ACAP2: variants seen among roughly 807,000 people sequenced by gnomAD.
ACAP2 encodes the protein arf-GAP with coiled-coil, ANK repeat and PH domain-containing protein 2.
ACAP2 carries 39 observed loss-of-function variants against 115.8 expected under a neutral mutation model. That is an observed-to-expected ratio of 0.34 (90% CI 0.26 to 0.44). The LOEUF is 0.44. Among genes scored for constraint, ACAP2 ranks in the 20% least tolerant of loss-of-function variants. The pLI, the probability that ACAP2 is intolerant of heterozygous loss-of-function variation, is 1.00. For missense variants in ACAP2, 662 were observed against 927.6 expected (o/e 0.71, Z 3.72); for synonymous variants, 289 against 315.8 (o/e 0.92, Z 0.90).
intron 8 of ACAP2, among the ~76,000 whole-genome samples, chr3:195,330,009 T>G (rs1259547845): frequency 3.9e-5 from 6 of 152,094 alleles, no homozygotes; most frequent in Non-Finnish European, 8.8e-5. Flanking sequence ...ACTAGATTTT[T>G]TTAAATAGCT....
intron 8 of ACAP2, 23 bp downstream of exon 8, chr3:195,333,005 C>T: frequency 6.5e-7 from 1 of 1,531,892 alleles, no homozygotes; most frequent in Non-Finnish European, 9.0e-7. Context: ...AAAACAGAAT[C>T]AAGAAATATA....
intron 4 of ACAP2, among the ~76,000 whole-genome samples, chr3:195,362,521 AAAAAT>A (rs1732442223): frequency 6.6e-6 from 1 of 152,122 alleles, no homozygotes; most frequent in Non-Finnish European, 1.5e-5. Context: ...GAGATGCATA[AAAAAT>A]AACCACACAC....
intron 4 of ACAP2, among the ~76,000 whole-genome samples, chr3:195,377,138 C>CTTTTTTTTTTTTTTTTTTTTTTTT (rs749352761): frequency 2.6e-5 from 2 of 77,110 alleles, no homozygotes; most frequent in Non-Finnish European, 4.7e-5. Context: ...GAATGTAAAT[C>CTTTTTTTTTTTTTTTTTTTTTTTT]TTTTTTTTTT....
chr3:195,377,163 G>GTTTTTTTTTTTTTTTTA (rs1412992193), intron 4 of ACAP2, among the ~76,000 whole-genome samples: 1 of 37,306 alleles, frequency 2.7e-5, no homozygotes, highest in African/African-American at 1.4e-4. Context: ...TTTTTTTTTG[G>GTTTTTTTTTTTTTTTTA]AAACAAGGTC....
rs202224976 is a variant in ACAP2, at chr3:195,320,285, C to CAT, written c.857+414_857+415dup. Among the ~76,000 whole-genome samples, 4 of 152,234 alleles carry CAT rather than the reference C, an allele frequency of 2.6e-5. No homozygotes were observed. The East Asian group carries it at 7.7e-4, about 29-fold the overall frequency. Reference sequence around the variant, plus strand: ...ACTAAGTAAAAATGTACATAAACATCATATAGAGGAGAAACCAAAAGAAAA... The same window carrying CAT: ...ACTAAGTAAAAATGTACATAAACATCATATATAGAGGAGAAACCAAAAGAAAA... On this transcript the variant is annotated intron_variant, in intron 10 of 22. Transcript: ENST00000326793.
At chr3:195,330,159 A>G (rs9860013) in intron 8 of ACAP2, among the ~76,000 whole-genome samples, 5,269 of 152,228 alleles carry the variant, frequency 0.035, 317 homozygotes, top group African/African-American at 0.12. Flanking sequence ...TCTTATCCTC[A>G]CAAATCAATA....
At chr3:195,306,852 TAA>T (rs36125128) in intron 12 of ACAP2, 51 of 206,078 alleles carry the variant, frequency 2.5e-4, no homozygotes, top group South Asian at 1.0e-3. Context: ...ACTGAATATT[TAA>T]AAAAAAAAAA....
chr3:195,378,495 C>CA (rs1560305332), intron 4 of ACAP2, among the ~76,000 whole-genome samples: 2 of 134,716 alleles, frequency 1.5e-5, no homozygotes, highest in Non-Finnish European at 1.6e-5. Flanking sequence ...CGTCTCAAAA[C>CA]AAAAAACAAA....
chr3:195,424,953 G>A (rs1308786193), intron 1 of ACAP2, among the ~76,000 whole-genome samples: 9 of 110,296 alleles, frequency 8.2e-5, no homozygotes, highest in Admixed American at 2.3e-4. Context: ...AAGGTTTTAA[G>A]AGTTGATTGC....
chr3:195,292,140 G>A (rs950417117), intron 19 of ACAP2, 125 bp downstream of exon 19: 18 of 1,199,772 alleles, frequency 1.5e-5, no homozygotes. Context: ...TAATAGCACA[G>A]AGGTTCCTTC....
At chr3:195,306,689 T>C in intron 12 of ACAP2, 73 bp from the exon 13 acceptor site, 3 of 1,096,786 alleles carry the variant, frequency 2.7e-6, no homozygotes, top group Non-Finnish European at 4.0e-6. Flanking sequence ...CTTTATATTT[T>C]TTCCACTTTG....
chr3:195,295,816 G>A lies in ACAP2; in HGVS notation c.1564C>T (p.Pro522Ser), dbSNP rs760391141. ...FVDKYSISLS[P>S]PEQQKKFVSK... The stretch of plus-strand genomic sequence containing the variant: ...ACAAACTTTTTTTGCTGCTCAGGAG[G>A]TGATAATGATATAGAATATTTATCC... The change falls in exon 17 of 23, where the codon CCT becomes TCT. Residue 522 changes from proline (P) to serine (S), a missense_variant. Transcript: ENST00000326793. 1.2e-6 allele frequency: 2 copies of A among 1,613,978 alleles called. No homozygotes were observed. The highest frequency in any genetic ancestry group is 1.7e-6 in the Non-Finnish European group (2 of 1,179,952).
intron 4 of ACAP2, among the ~76,000 whole-genome samples, chr3:195,351,706 G>A (rs766250298): frequency 3.3e-5 from 5 of 151,792 alleles, no homozygotes; most frequent in East Asian, 1.9e-4. Context: ...TCCGTGATCC[G>A]CCCGCATCGG....
intron 9 of ACAP2, among the ~76,000 whole-genome samples, chr3:195,322,353 T>C (rs1729505207): frequency 6.6e-6 from 1 of 152,130 alleles, no homozygotes; most frequent in South Asian, 2.1e-4. Flanking sequence ...CAGTATCTAC[T>C]GAGATGCTGG....
At chr3:195,413,926 G>A (rs553495311) in intron 1 of ACAP2, among the ~76,000 whole-genome samples, 1 of 151,740 alleles carries the variant, frequency 6.6e-6, no homozygotes, top group Non-Finnish European at 1.5e-5. Flanking sequence ...AATGAGCTAT[G>A]ACTGTATCAC....
intron 1 of ACAP2, among the ~76,000 whole-genome samples, chr3:195,437,541 C>A (rs1223586038): frequency 6.6e-5 from 10 of 151,994 alleles, no homozygotes; most frequent in Non-Finnish European, 1.3e-4. Context: ...TGAGTCTGGT[C>A]GAGGTGGCTC....
intron 8 of ACAP2, among the ~76,000 whole-genome samples, chr3:195,332,291 A>G (rs1730224516): frequency 6.6e-6 from 1 of 152,210 alleles, no homozygotes; most frequent in African/African-American, 2.4e-5. Flanking sequence ...AAAAAGAGCT[A>G]TAACTCAACT....
chr3:195,428,347 T>TATAC (rs1415690962), intron 1 of ACAP2, among the ~76,000 whole-genome samples: 1 of 145,554 alleles, frequency 6.9e-6, no homozygotes, highest in African/African-American at 2.5e-5. Context: ...TATATATATA[T>TATAC]ACACACACAC....
chr3:195,283,840 C>G (rs1297709209), intron 22 of ACAP2, among the ~76,000 whole-genome samples: 1 of 151,656 alleles, frequency 6.6e-6, no homozygotes, highest in East Asian at 1.9e-4. Context: ...TTTTTAACCT[C>G]TAAACTAAAA....
Sources: allele counts gnomAD v4.1 joint callset (sites outside exome capture counted in the v4.1 genomes callset), GRCh38; gene constraint gnomAD v4.1.1; transcripts MANE v1.5; gene names NCBI Gene and HGNC (gene_info 2026-07-23, HGNC 2026-07-21).